The following NUDT3 variants were observed in gnomAD, a reference collection of about 807,000 sequenced individuals.
NUDT3 encodes the protein nudix hydrolase 3.
NUDT3 carries 9 observed loss-of-function variants against 23.6 expected under a neutral mutation model. The observed-to-expected ratio is 0.38, with a 90% CI of 0.23 to 0.66. The LOEUF (loss-of-function observed/expected upper bound fraction) is 0.66. Among genes scored for constraint, NUDT3 ranks in the 30% least tolerant of loss-of-function variants. The pLI is 0.52. For missense variants in NUDT3, 172 were observed against 218.5 expected, an observed-to-expected ratio of 0.79 and a Z score of 1.34; for synonymous variants, 86 against 82.6, an observed-to-expected ratio of 1.04 and a Z score of -0.22.
chr6:34,342,015 A>C, intron 1 of NUDT3, 43 bp from the exon 2 acceptor site: 1 of 1,563,122 alleles, frequency 6.4e-7, no homozygotes, highest in Admixed American at 1.8e-5. Context: ...AAAAATTCAA[A>C]GACACATCCA....
At chr6:34,386,494 A>G (rs1765108813) in intron 1 of NUDT3, among the ~76,000 whole-genome samples, 1 of 152,172 alleles carries the variant, frequency 6.6e-6, no homozygotes, top group South Asian at 2.1e-4. Flanking sequence ...ATGAGTGTTC[A>G]ATAAATTTGC....
rs528101792 is a variant in NUDT3 at position 34,288,558 on chromosome 6, C to T, written c.*195G>A. On this transcript the variant is annotated 3_prime_UTR_variant, in exon 5 of 5. Coordinates refer to ENST00000607016, the MANE Select transcript of NUDT3 (RefSeq NM_006703.4). Reference sequence around the variant, plus strand: ...ACAAATTACACACCCAACCCCCACCCTCAATAAAAACAGAAGAAAAAGCCC... The same window carrying T: ...ACAAATTACACACCCAACCCCCACCTTCAATAAAAACAGAAGAAAAAGCCC... 1.3e-4 allele frequency: 94 copies of T among 711,834 alleles called. No individual in the cohort carries two copies. The African/African-American group carries it at 1.7e-3, about 13-fold the overall frequency. 44.1% of individuals were successfully genotyped at this position (711,834 alleles called of 1,614,324 possible).
intron 1 of NUDT3, among the ~76,000 whole-genome samples, chr6:34,363,067 A>C (rs1764674119): frequency 6.6e-6 from 1 of 152,150 alleles, no homozygotes; most frequent in African/African-American, 2.4e-5. Context: ...GACTAGTAAA[A>C]TGTGCTCAGA....
intron 1 of NUDT3, among the ~76,000 whole-genome samples, chr6:34,342,382 T>C (rs1373726375): frequency 2.7e-5 from 4 of 150,646 alleles, no homozygotes; most frequent in Non-Finnish European, 5.9e-5. Flanking sequence ...CCCTTGGCCA[T>C]GATTGCCATC....
At chr6:34,354,364 C>A (rs1014626795) in intron 1 of NUDT3, among the ~76,000 whole-genome samples, 2 of 150,080 alleles carry the variant, frequency 1.3e-5, no homozygotes, top group Non-Finnish European at 3.0e-5. Flanking sequence ...CCATTGCACT[C>A]CAGCTGGGCA....
At chr6:34,290,257 TC>T (rs1763398801) in intron 4 of NUDT3, among the ~76,000 whole-genome samples, 1 of 151,432 alleles carries the variant, frequency 6.6e-6, no homozygotes, top group Non-Finnish European at 1.5e-5. Flanking sequence ...TTTTTTTTTT[TC>T]CAGAGATAGG....
At chr6:34,361,856 G>A (rs938506683) in intron 1 of NUDT3, among the ~76,000 whole-genome samples, 1 of 152,208 alleles carries the variant, frequency 6.6e-6, no homozygotes. Flanking sequence ...GGGGTGAGCA[G>A]AGAGGGAGGG....
intron 2 of NUDT3, among the ~76,000 whole-genome samples, chr6:34,326,272 C>T (rs985846207): frequency 5.9e-5 from 9 of 152,196 alleles, no homozygotes; most frequent in African/African-American, 2.2e-4. Context: ...TCTAGCTACA[C>T]TTTCTAATTT....
intron 1 of NUDT3, among the ~76,000 whole-genome samples, chr6:34,348,140 G>A (rs1764407917): frequency 6.6e-6 from 1 of 151,886 alleles, no homozygotes; most frequent in South Asian, 2.1e-4. Flanking sequence ...AAAAAAATTA[G>A]CTGGGCACGA....
At chr6:34,338,809 ATGTC>A (rs1333582881) in intron 2 of NUDT3, among the ~76,000 whole-genome samples, 2 of 152,228 alleles carry the variant, frequency 1.3e-5, no homozygotes, top group Non-Finnish European at 2.9e-5. Flanking sequence ...GCAGAGGAGA[ATGTC>A]TGATACAACT....
At chr6:34,368,531 A>T (rs754679904) in intron 1 of NUDT3, among the ~76,000 whole-genome samples, 13 of 152,212 alleles carry the variant, frequency 8.5e-5, no homozygotes, top group Non-Finnish European at 1.9e-4. Flanking sequence ...AGTACAGGGG[A>T]AAAACAAAAA....
intron 1 of NUDT3, among the ~76,000 whole-genome samples, chr6:34,378,360 C>T (rs1561923894): frequency 6.6e-6 from 1 of 152,000 alleles, no homozygotes; most frequent in South Asian, 2.1e-4. Flanking sequence ...AAAAGCTCTC[C>T]CACACACAAA....
chr6:34,325,750 T>C (rs1408047704), intron 2 of NUDT3, among the ~76,000 whole-genome samples: 1 of 152,222 alleles, frequency 6.6e-6, no homozygotes, highest in Admixed American at 6.5e-5. Context: ...ATGATTCTTA[T>C]ATATTGTAGT....
In NUDT3 at chr6:34,287,520, A is replaced by G. The variant is rs1344563625; in HGVS notation, c.*1233T>C. The G allele has an allele frequency of 1.3e-5, 2 of 152,188 alleles. No homozygotes were observed. Among genetic ancestry groups the G allele is most frequent in the Non-Finnish European group, 1.5e-5 (1 of 68,024 alleles). The allele number at this position is 152,188 out of a possible 1,614,324, so 9.4% of individuals were successfully genotyped here. On this transcript the variant is annotated 3_prime_UTR_variant, in exon 5 of 5. Coordinates refer to ENST00000607016, the MANE Select transcript of NUDT3 (RefSeq NM_006703.4). ...TTCATATCCTGGTGGGAGATGGGAG[A>G]CCAATTTAATAGCTCTGAGCATGCT...
chr6:34,337,727 A>G (rs1023783403), intron 2 of NUDT3, among the ~76,000 whole-genome samples: 2 of 152,232 alleles, frequency 1.3e-5, no homozygotes, highest in Non-Finnish European at 2.9e-5. Context: ...AACAGACACA[A>G]ATTCCAAATG....
At chr6:34,339,305 C>G (rs1372757352) in intron 2 of NUDT3, among the ~76,000 whole-genome samples, 1 of 152,192 alleles carries the variant, frequency 6.6e-6, no homozygotes, top group Non-Finnish European at 1.5e-5. Context: ...ACTTTCTAGT[C>G]TCTCCATGTC....
chr6:34,290,639 C>T (rs1012121911), intron 4 of NUDT3, among the ~76,000 whole-genome samples: 1 of 150,634 alleles, frequency 6.6e-6, no homozygotes, highest in Non-Finnish European at 1.5e-5. Flanking sequence ...CTGCAGTGAG[C>T]TGTGATCATG....
chr6:34,324,495 C>T (rs537501313), intron 2 of NUDT3, among the ~76,000 whole-genome samples: 1 of 152,294 alleles, frequency 6.6e-6, no homozygotes, highest in African/African-American at 2.4e-5. Context: ...ATCTTGACTT[C>T]CTGGCCTCAA....
At chr6:34,316,436 G>C (rs185282805) in intron 2 of NUDT3, among the ~76,000 whole-genome samples, 21 of 152,294 alleles carry the variant, frequency 1.4e-4, no homozygotes, top group Admixed American at 2.6e-4. Flanking sequence ...GCTTCATATA[G>C]AAGAGATATA....
Sources: allele counts gnomAD v4.1 joint callset (sites outside exome capture counted in the v4.1 genomes callset), GRCh38; gene constraint gnomAD v4.1.1; transcripts MANE v1.5; gene names NCBI Gene and HGNC (gene_info 2026-07-23, HGNC 2026-07-21).